The following MERTK variants were observed in gnomAD, a reference collection of about 807,000 sequenced individuals.
MERTK encodes the protein MER proto-oncogene, tyrosine kinase, also known as tyrosine-protein kinase Mer.
In MERTK, 69 loss-of-function variants were observed where a neutral mutation model predicts 99.3. That is an observed-to-expected ratio of 0.70 (90% CI 0.57 to 0.85). The LOEUF is 0.85. Among genes scored for constraint, MERTK ranks in the 40% least tolerant of loss-of-function variants. The pLI, the probability that MERTK is intolerant of heterozygous loss-of-function variation, is 0.00. For synonymous variants in MERTK, 426 were observed against 467.6 expected, an observed-to-expected ratio of 0.91 and a Z score of 1.15; for missense variants, 1,125 against 1,249.4, an observed-to-expected ratio of 0.90 and a Z score of 1.50.
chr2:111,997,113 T>C (rs1676761734), intron 9 of MERTK: 1 of 731,400 alleles, frequency 1.4e-6, no homozygotes, highest in East Asian at 2.5e-5. Context: ...ATGTATATGT[T>C]ATGGAATGAG....
At chr2:111,978,468 T>G (rs1367052994) in intron 7 of MERTK, among the ~76,000 whole-genome samples, 2 of 152,198 alleles carry the variant, frequency 1.3e-5, no homozygotes, top group African/African-American at 4.8e-5. Flanking sequence ...TTTGTTTGTT[T>G]GTTTGTTTAT....
intron 4 of MERTK, among the ~76,000 whole-genome samples, chr2:111,962,781 A>T (rs1685274672): frequency 1.3e-5 from 2 of 152,282 alleles, no homozygotes; most frequent in South Asian, 4.1e-4. Flanking sequence ...TCTATGTCTT[A>T]TTAGGCTCCT....
intron 4 of MERTK, among the ~76,000 whole-genome samples, chr2:111,953,686 C>A (rs1008260265): frequency 1.3e-5 from 2 of 152,154 alleles, no homozygotes; most frequent in Admixed American, 1.3e-4. Context: ...AGTGATTCTC[C>A]CGCCTCAGCC....
chr2:111,900,037 C>T (rs1302605352), intron 1 of MERTK, among the ~76,000 whole-genome samples: 2 of 151,112 alleles, frequency 1.3e-5, no homozygotes, highest in Admixed American at 1.3e-4. Context: ...AGTATTTTCT[C>T]TCAGCTAAAA....
Position 111,898,783 on chromosome 2 carries a change from G to A in MERTK, c.48G>A (p.Ala16=). 6.3e-7 allele frequency: 1 copy of A among 1,597,788 alleles called. No homozygotes were observed. Among genetic ancestry groups the A allele is most frequent in the South Asian group, 1.1e-5 (1 of 88,360 alleles). Residue 16 remains alanine, a synonymous_variant, in exon 1 of 19, where the codon GCG becomes GCA. Coordinates refer to ENST00000295408, the MANE Select transcript of MERTK (RefSeq NM_006343.3). ...LPLLLGLFLP[A]LWRRAITEAR... is the part of the protein sequence containing the mutation. ...TGCTGCTGGGCCTCTTCCTCCCCGC[G>A]CTCTGGCGTAGAGGTGAGTGCGCCC...
At chr2:112,016,523 T>A (rs1261722989) in intron 15 of MERTK, among the ~76,000 whole-genome samples, 1 of 152,184 alleles carries the variant, frequency 6.6e-6, no homozygotes, top group Admixed American at 6.6e-5. Context: ...GTGCATTTGA[T>A]ACTGCGATGG....
intron 2 of MERTK, among the ~76,000 whole-genome samples, chr2:111,942,836 A>G (rs1158944656): frequency 6.6e-6 from 1 of 152,184 alleles, no homozygotes; most frequent in Non-Finnish European, 1.5e-5. Flanking sequence ...AGTAATGTTA[A>G]CCTGAGTAGC....
intron 18 of MERTK, chr2:112,028,132 G>A: frequency 1.7e-6 from 1 of 598,194 alleles, no homozygotes; most frequent in South Asian, 2.0e-5. Context: ...CCACATATGT[G>A]CTCTTCCTAG....
intron 4 of MERTK, among the ~76,000 whole-genome samples, chr2:111,954,931 A>G (rs920693561): frequency 5.9e-5 from 9 of 152,114 alleles, no homozygotes; most frequent in African/African-American, 2.2e-4. Flanking sequence ...TTTTTTTTTA[A>G]TTTTGAGGAA....
chr2:111,920,746 C>T (rs912871400), intron 1 of MERTK, among the ~76,000 whole-genome samples: 4 of 152,024 alleles, frequency 2.6e-5, no homozygotes, highest in Non-Finnish European at 5.9e-5. Flanking sequence ...TTCTGCCTCC[C>T]GGGTTCAAGC....
chr2:111,962,729 T>C (rs765322373), intron 4 of MERTK, among the ~76,000 whole-genome samples: 5 of 152,220 alleles, frequency 3.3e-5, no homozygotes. Context: ...GTCCTTTTTC[T>C]GTCCCAGGAT....
chr2:111,995,687 C>A (rs1168109068), intron 9 of MERTK, among the ~76,000 whole-genome samples: 6 of 152,172 alleles, frequency 3.9e-5, no homozygotes, highest in African/African-American at 9.7e-5. Flanking sequence ...CAGTGACTCA[C>A]GCCTGTAATT....
At chr2:111,961,870 CG>C (rs1558787496) in intron 4 of MERTK, among the ~76,000 whole-genome samples, 1 of 152,236 alleles carries the variant, frequency 6.6e-6, no homozygotes, top group East Asian at 1.9e-4. Flanking sequence ...TGGCTGCAGC[CG>C]GGGCGCAGTC....
intron 2 of MERTK, among the ~76,000 whole-genome samples, chr2:111,943,216 T>G (rs766543546): frequency 6.6e-6 from 1 of 152,160 alleles, no homozygotes; most frequent in Non-Finnish European, 1.5e-5. Flanking sequence ...TGTTTAGAAA[T>G]AAATAGGTTA....
intron 1 of MERTK, among the ~76,000 whole-genome samples, chr2:111,910,610 G>GTGTATATA (rs370882764): frequency 1.7e-3 from 243 of 143,658 alleles, no homozygotes; most frequent in Middle Eastern, 3.6e-3. Flanking sequence ...GTGTGTGTGT[G>GTGTATATA]TATATATATA....
At chr2:111,989,185 A>C (rs1351491565) in intron 8 of MERTK, among the ~76,000 whole-genome samples, 1 of 152,140 alleles carries the variant, frequency 6.6e-6, no homozygotes, top group African/African-American at 2.4e-5. Context: ...AGAAGGAAGA[A>C]CAGGACGTGT....
rs762862240 is a variant in MERTK at position 111,945,068 on chromosome 2, C to T, written c.583+8C>T. 8 of 1,603,534 alleles carry T rather than the reference C, an allele frequency of 5.0e-6. No individual in the cohort carries two copies. In the South Asian group the frequency reaches 7.7e-5, roughly 15 times the overall value. On this transcript the variant is annotated splice_region_variant and intron_variant, in intron 3 of 18. Transcript: ENST00000295408. ...TCTACATCGAAGTACAAGGTAAGTC[C>T]ACAGACCAGAGTCCCATTGCCAGAG... is the stretch of plus-strand genomic sequence containing the variant.
chr2:112,004,680 G>C (rs566582813), intron 13 of MERTK, among the ~76,000 whole-genome samples: 2 of 152,294 alleles, frequency 1.3e-5, no homozygotes, highest in African/African-American at 4.8e-5. Flanking sequence ...GGGAGGCTGA[G>C]GCGGGCAGAT....
intron 13 of MERTK, among the ~76,000 whole-genome samples, chr2:112,007,363 C>T (rs1184582907): frequency 6.6e-6 from 1 of 152,102 alleles, no homozygotes; most frequent in Admixed American, 6.5e-5. Context: ...ACCTTGTTAG[C>T]CAGGATGGTC....
Sources: allele counts gnomAD v4.1 joint callset (sites outside exome capture counted in the v4.1 genomes callset), GRCh38; gene constraint gnomAD v4.1.1; transcripts MANE v1.5; gene names NCBI Gene and HGNC (gene_info 2026-07-23, HGNC 2026-07-21).